Variants in USP42 observed in about 807,000 individuals in gnomAD.
The protein encoded by USP42 is ubiquitin carboxyl-terminal hydrolase 42.
Under a neutral mutation model 113.0 loss-of-function variants are expected in USP42, and 23 were observed. The ratio of observed to expected loss-of-function variants is 0.20; its 90% CI spans 0.15 to 0.29. USP42 has a LOEUF of 0.29. Ranked by LOEUF, USP42 falls within the 10% of genes least tolerant of loss-of-function variation. USP42 has a pLI of 1.00. For synonymous variants in USP42, 933 were observed against 699.0 expected, an observed-to-expected ratio of 1.33 and a Z score of -5.28; for missense variants, 2,174 against 1,779.8, an observed-to-expected ratio of 1.22 and a Z score of -3.99.
the USP42 span, among the ~76,000 whole-genome samples, chr7:6,087,238 C>T: frequency 6.6e-6 from 1 of 150,766 alleles, no homozygotes; most frequent in Admixed American, 6.6e-5. Context: ...ACCATGTTGG[C>T]CAGGCTGGTC....
chr7:6,133,819 G>A (rs1780982306), intron 3 of USP42, among the ~76,000 whole-genome samples: 2 of 151,692 alleles, frequency 1.3e-5, no homozygotes, highest in South Asian at 4.2e-4. Flanking sequence ...CGCACCTGGT[G>A]CATTTTTCAT....
chr7:6,101,003 G>C (rs751185779), upstream of USP42, among the ~76,000 whole-genome samples: 21 of 150,910 alleles, frequency 1.4e-4, no homozygotes, highest in Non-Finnish European at 2.8e-4. Context: ...ATCTAGAAGT[G>C]AGGCTTGAGA....
In USP42 at chr7:6,159,665, G is replaced by C. The variant is rs1425991415; in HGVS notation, c.*36+172G>C. On this transcript the variant is annotated intron_variant, in intron 17 of 17. Transcript: ENST00000306177. This position sits in a 1 kb window ranked among gnomAD's most constrained non-coding sequence, Gnocchi z 4.1. ...CAGCCCAGACCCAGGCCACGCGCTT[G>C]GGGACAGACCTAGACCCTCCACCTC... Among the ~76,000 whole-genome samples, 4 of 152,170 alleles carry C rather than the reference G, an allele frequency of 2.6e-5. No homozygotes were observed. The highest frequency in any genetic ancestry group is 7.2e-5 in the African/African-American group (3 of 41,444).
intron 12 of USP42, among the ~76,000 whole-genome samples, chr7:6,148,187 T>C (rs1331547811): frequency 1.3e-5 from 2 of 151,948 alleles, no homozygotes; most frequent in Admixed American, 1.3e-4. Flanking sequence ...AAAATACAAG[T>C]ATCAGCCGGG....
chr7:6,120,046 A>C (rs565588354), intron 3 of USP42, among the ~76,000 whole-genome samples: 1 of 151,904 alleles, frequency 6.6e-6, no homozygotes, highest in Non-Finnish European at 1.5e-5. Context: ...GCTCACTGCA[A>C]CCTACGCCCC....
chr7:6,089,189 C>T, the USP42 span, among the ~76,000 whole-genome samples: 69 of 149,870 alleles, frequency 4.6e-4, 1 homozygote, highest in Non-Finnish European at 8.1e-4. Context: ...GGACTACAGG[C>T]GCCCGACACC....
At chr7:6,086,974 T>A in the USP42 span, among the ~76,000 whole-genome samples, 1 of 149,832 alleles carries the variant, frequency 6.7e-6, no homozygotes, top group South Asian at 2.1e-4. Flanking sequence ...GTGATTTGCC[T>A]GCTTCAGCCT....
At chr7:6,142,525 T>C (rs1381886941) in intron 7 of USP42, among the ~76,000 whole-genome samples, 2 of 152,212 alleles carry the variant, frequency 1.3e-5, no homozygotes, top group Non-Finnish European at 2.9e-5. Context: ...CGGAAAATTT[T>C]CTTTTTACAT....
At chr7:6,112,173 G>C (rs943236854) in intron 2 of USP42, among the ~76,000 whole-genome samples, 4 of 152,098 alleles carry the variant, frequency 2.6e-5, no homozygotes, top group Non-Finnish European at 4.4e-5. Flanking sequence ...AGATAGGCTA[G>C]GCATGGTGGC....
chr7:6,081,467 C>T, the USP42 span, among the ~76,000 whole-genome samples: 2 of 152,320 alleles, frequency 1.3e-5, no homozygotes, highest in East Asian at 3.9e-4. Flanking sequence ...CCAATCGCGC[C>T]TCGCTCCTTG....
At chr7:6,136,722 A>G (rs1315864045) in intron 4 of USP42, among the ~76,000 whole-genome samples, 1 of 152,202 alleles carries the variant, frequency 6.6e-6, no homozygotes, top group Non-Finnish European at 1.5e-5. Flanking sequence ...CTCTGGACAC[A>G]CTGCCTGTGG....
At chr7:6,110,292 T>G (rs1779527411) in intron 1 of USP42, among the ~76,000 whole-genome samples, 2 of 152,184 alleles carry the variant, frequency 1.3e-5, no homozygotes, top group South Asian at 4.1e-4. Context: ...AGTTGCTGAC[T>G]GGTTGCTTCA....
intron 1 of USP42, among the ~76,000 whole-genome samples, chr7:6,106,177 A>G (rs1050554218): frequency 1.3e-5 from 2 of 152,202 alleles, no homozygotes; most frequent in Admixed American, 1.3e-4. Context: ...GTCTACAGTA[A>G]GTATTTGGTT....
rs896557439 is a variant in USP42, at chr7:6,143,069, G to A, written c.878+55G>A. ...GCCGGCTTCTCCAGTGGGGATGGCCGGCAGGCTTGGTTTGAGAGAGTTTGG... is the reference window on the plus strand; with the variant it reads ...GCCGGCTTCTCCAGTGGGGATGGCCAGCAGGCTTGGTTTGAGAGAGTTTGG... On this transcript the variant is annotated intron_variant, in intron 8 of 17. Coordinates refer to ENST00000306177, the MANE Select transcript of USP42 (RefSeq NM_032172.3). The A allele has an allele frequency of 3.8e-6, 6 of 1,585,488 alleles. No individual in the cohort carries two copies. The East Asian group carries it at 6.7e-5, about 18-fold the overall frequency.
At chr7:6,153,342 AT>A (rs1301074813) in intron 14 of USP42, among the ~76,000 whole-genome samples, 1 of 152,120 alleles carries the variant, frequency 6.6e-6, no homozygotes, top group East Asian at 1.9e-4. Flanking sequence ...CTAGAGGGAT[AT>A]CCAGAAACAG....
chr7:6,092,901 A>G, the USP42 span: 1 of 151,208 alleles, frequency 6.6e-6, no homozygotes, highest in Non-Finnish European at 1.5e-5. Flanking sequence ...CCATTAGGAT[A>G]AACTTGGCTT....
At chr7:6,150,644 A>C in intron 14 of USP42, 138 bp downstream of exon 14, 3 of 827,512 alleles carry the variant, frequency 3.6e-6, no homozygotes, top group Non-Finnish European at 1.9e-6. Flanking sequence ...ATTATAATGT[A>C]TAGGATTTAT....
At chr7:6,145,464 T>C in intron 9 of USP42, 52 bp from the exon 10 acceptor site, 1 of 1,609,794 alleles carries the variant, frequency 6.2e-7, no homozygotes, top group Non-Finnish European at 8.5e-7. Context: ...CCTGAATATG[T>C]GGAATGATCT....
At chr7:6,091,342 C>A in the USP42 span, among the ~76,000 whole-genome samples, 59,292 of 150,154 alleles carry the variant, frequency 0.39, 13,723 homozygotes, top group Middle Eastern at 0.62. Flanking sequence ...CTCCCACCTC[C>A]GCCTCCCTCA....
Sources: allele counts gnomAD v4.1 joint callset (sites outside exome capture counted in the v4.1 genomes callset), GRCh38; gene constraint gnomAD v4.1.1; non-coding constraint Gnocchi (gnomAD v3.1); transcripts MANE v1.5; gene names NCBI Gene and HGNC (gene_info 2026-07-23, HGNC 2026-07-21).